Variants in TGFA observed in about 807,000 individuals in gnomAD.
TGFA encodes the protein transforming growth factor alpha, also known as protransforming growth factor alpha.
A neutral mutation model predicts 21.7 loss-of-function variants in TGFA; 12 were observed. The observed-to-expected ratio is 0.55, with a 90% confidence interval of 0.35 to 0.90. The LOEUF is 0.90. Ranked by LOEUF, TGFA falls within the 40% of genes least tolerant of loss-of-function variation. The pLI is 0.01. For synonymous variants in TGFA, 79 were observed against 88.1 expected (o/e 0.90, Z 0.58); for missense variants, 178 against 210.8 (o/e 0.84, Z 0.96).
intron 1 of TGFA, among the ~76,000 whole-genome samples, chr2:70,533,999 T>A (rs1672898848): frequency 6.6e-6 from 1 of 152,132 alleles, no homozygotes; most frequent in African/African-American, 2.4e-5. Context: ...AATACACCTT[T>A]AACAAACATT....
At chr2:70,521,624 T>TTTTTTTTTTTTTTTTTTTTTTTTTG (rs1672473512) in intron 1 of TGFA, among the ~76,000 whole-genome samples, 1 of 134,792 alleles carries the variant, frequency 7.4e-6, no homozygotes, top group Non-Finnish European at 1.6e-5. Flanking sequence ...TTTGTTTTTT[T>TTTTTTTTTTTTTTTTTTTTTTTTTG]TTTTTTTTTT....
intron 2 of TGFA, among the ~76,000 whole-genome samples, chr2:70,472,073 TCAA>T (rs773424494): frequency 6.6e-6 from 1 of 151,994 alleles, no homozygotes; most frequent in Non-Finnish European, 1.5e-5. Flanking sequence ...TTCTGGAAAT[TCAA>T]GAAAATAGCG....
intron 3 of TGFA, among the ~76,000 whole-genome samples, chr2:70,459,770 A>G (rs902301880): frequency 3.9e-5 from 6 of 152,198 alleles, no homozygotes; most frequent in African/African-American, 1.4e-4. Flanking sequence ...CCAGCCCCTT[A>G]GGAAAGTCTT....
At chr2:70,494,425 T>C (rs1553498074) in intron 2 of TGFA, among the ~76,000 whole-genome samples, 2 of 152,230 alleles carry the variant, frequency 1.3e-5, no homozygotes, top group Non-Finnish European at 2.9e-5. Context: ...CTGTCTGTGC[T>C]TGGAGTTTTC....
intron 1 of TGFA, among the ~76,000 whole-genome samples, chr2:70,532,013 T>C (rs56924541): frequency 0.039 from 5,996 of 152,192 alleles, 412 homozygotes; most frequent in African/African-American, 0.14. Flanking sequence ...GACTACAAAA[T>C]GAAAGTGGAT....
In TGFA at chr2:70,550,842, AC is replaced by A. The variant is rs1333475855; in HGVS notation, c.40+2885del. Reference sequence around the variant, plus strand: ...TCTCAAAAAACAAAAAACCAAAAAAACAAAAGAAAACAAAACAAAAAAACCC... The same window carrying A: ...TCTCAAAAAACAAAAAACCAAAAAAAAAAAGAAAACAAAACAAAAAAACCC... On this transcript the variant is annotated intron_variant, in intron 1 of 5. Transcript: ENST00000295400. 2.2e-4 allele frequency among the ~76,000 whole-genome samples: 34 copies of A among 152,334 alleles called. No homozygotes were observed. The East Asian group carries it at 2.9e-3, about 13-fold the overall frequency.
intron 1 of TGFA, among the ~76,000 whole-genome samples, chr2:70,527,595 C>T (rs1672678291): frequency 6.6e-6 from 1 of 152,128 alleles, no homozygotes; most frequent in Non-Finnish European, 1.5e-5. Context: ...AAACGAGGGA[C>T]TTTAGTTTAT....
chr2:70,460,334 C>G (rs1553491297), intron 3 of TGFA, among the ~76,000 whole-genome samples: 1 of 151,758 alleles, frequency 6.6e-6, no homozygotes, highest in African/African-American at 2.4e-5. Flanking sequence ...TGCTTCTCAG[C>G]TGCTCTTTAT....
chr2:70,480,460 A>G (rs1671079158), intron 2 of TGFA, among the ~76,000 whole-genome samples: 1 of 152,156 alleles, frequency 6.6e-6, no homozygotes, highest in Non-Finnish European at 1.5e-5. Context: ...TACATTTAGA[A>G]ATGGTTTCAT....
intron 2 of TGFA, among the ~76,000 whole-genome samples, chr2:70,492,850 C>A (rs529094424): frequency 5.9e-5 from 9 of 152,118 alleles, no homozygotes; most frequent in South Asian, 4.2e-4. Flanking sequence ...AACAAAGGTG[C>A]CTTTCATGTT....
chr2:70,476,986 TA>T (rs1472499604), intron 2 of TGFA, among the ~76,000 whole-genome samples: 2 of 151,796 alleles, frequency 1.3e-5, no homozygotes, highest in Non-Finnish European at 2.9e-5. Flanking sequence ...TATACGCAAT[TA>T]TTTTTTTTTA....
intron 1 of TGFA, among the ~76,000 whole-genome samples, chr2:70,551,661 A>G (rs1673512913): frequency 6.6e-6 from 1 of 152,184 alleles, no homozygotes; most frequent in African/African-American, 2.4e-5. Flanking sequence ...TCTTTTAAAG[A>G]CATATAAATA....
chr2:70,543,857 T>C (rs997121631), intron 1 of TGFA, among the ~76,000 whole-genome samples: 1 of 152,156 alleles, frequency 6.6e-6, no homozygotes, highest in Non-Finnish European at 1.5e-5. Flanking sequence ...ATAATATTGA[T>C]ATCAAAATCT....
intron 1 of TGFA, among the ~76,000 whole-genome samples, chr2:70,538,479 G>A (rs116634999): frequency 7.2e-4 from 109 of 152,288 alleles, no homozygotes; most frequent in African/African-American, 2.5e-3. Flanking sequence ...GTAATTCATG[G>A]GAATAGGTCA....
At chr2:70,485,962 T>C (rs2103770338) in intron 2 of TGFA, among the ~76,000 whole-genome samples, 1 of 152,252 alleles carries the variant, frequency 6.6e-6, no homozygotes, top group South Asian at 2.1e-4. Flanking sequence ...TTCCTCCTCC[T>C]GGAACCGAGG....
At chr2:70,504,376 C>T (rs1403473159) in intron 2 of TGFA, among the ~76,000 whole-genome samples, 7 of 148,342 alleles carry the variant, frequency 4.7e-5, no homozygotes, top group African/African-American at 1.5e-4. Context: ...CGTCACTGCA[C>T]TCCAGCCTGG....
At chr2:70,488,550 C>A (rs1671334279) in intron 2 of TGFA, among the ~76,000 whole-genome samples, 1 of 152,208 alleles carries the variant, frequency 6.6e-6, no homozygotes, top group Non-Finnish European at 1.5e-5. Context: ...AGCACCAAAG[C>A]ATTTACTGTA....
intron 2 of TGFA, among the ~76,000 whole-genome samples, chr2:70,468,731 TTGA>T (rs1166151418): frequency 1.3e-5 from 2 of 152,338 alleles, no homozygotes; most frequent in East Asian, 1.9e-4. Flanking sequence ...AATCTAATAC[TTGA>T]TGATCTGTCA....
intron 2 of TGFA, among the ~76,000 whole-genome samples, chr2:70,503,630 C>G (rs142477210): frequency 0.026 from 3,846 of 150,740 alleles, 63 homozygotes; most frequent in Non-Finnish European, 0.041. Context: ...CCAGGGGGCA[C>G]AGTTAAGCTT....
Sources: allele counts gnomAD v4.1 joint callset (sites outside exome capture counted in the v4.1 genomes callset), GRCh38; gene constraint gnomAD v4.1.1; transcripts MANE v1.5; gene names NCBI Gene and HGNC (gene_info 2026-07-23, HGNC 2026-07-21).